Variants in ANO3 observed in about 807,000 individuals in gnomAD.
The protein encoded by ANO3 is anoctamin 3.
Under a neutral mutation model 144.8 loss-of-function variants are expected in ANO3, and 99 were observed. The ratio of observed to expected loss-of-function variants is 0.68; its 90% CI spans 0.58 to 0.81. The LOEUF is 0.81. ANO3 is among the 30% of genes least tolerant of loss of function. The pLI, the probability that ANO3 is intolerant of heterozygous loss-of-function variation, is 0.00. For missense variants in ANO3, 905 were observed against 1,202.2 expected (o/e 0.75, Z 3.66); for synonymous variants, 414 against 392.6 (o/e 1.05, Z -0.64).
chr11:26,386,701 A>G (rs1856743997), intron 1 of ANO3, among the ~76,000 whole-genome samples: 1 of 152,176 alleles, frequency 6.6e-6, no homozygotes. Context: ...TATAGAATGT[A>G]AGGACTATGT....
chr11:26,283,736 G>A (rs994769735), intron 1 of ANO3, among the ~76,000 whole-genome samples: 2 of 151,984 alleles, frequency 1.3e-5, no homozygotes, highest in Admixed American at 6.6e-5. Flanking sequence ...GAAATCTAAT[G>A]GTTAACAAGA....
chr11:26,504,998 C>G (rs1177305823), intron 4 of ANO3, among the ~76,000 whole-genome samples: 1 of 105,498 alleles, frequency 9.5e-6, no homozygotes, highest in East Asian at 3.0e-4. Flanking sequence ...GGCGACAGAG[C>G]GAGACTCCAC....
At chr11:26,568,288 G>C (rs1850676184) in intron 14 of ANO3, among the ~76,000 whole-genome samples, 1 of 152,022 alleles carries the variant, frequency 6.6e-6, no homozygotes, top group Non-Finnish European at 1.5e-5. Flanking sequence ...AGATGATTAA[G>C]TGGGACATAA....
intron 1 of ANO3, among the ~76,000 whole-genome samples, chr11:26,254,414 C>T (rs950566586): frequency 6.6e-6 from 1 of 152,058 alleles, no homozygotes; most frequent in African/African-American, 2.4e-5. Flanking sequence ...TTTGAAATGA[C>T]CATATTATCA....
chr11:26,470,936 C>T (rs902550903), intron 4 of ANO3, among the ~76,000 whole-genome samples: 2 of 151,890 alleles, frequency 1.3e-5, no homozygotes, highest in African/African-American at 4.8e-5. Flanking sequence ...ACTGGCATGA[C>T]AATAGCCATT....
intron 14 of ANO3, among the ~76,000 whole-genome samples, chr11:26,576,270 A>T (rs935105407): frequency 6.6e-6 from 1 of 152,214 alleles, no homozygotes; most frequent in African/African-American, 2.4e-5. Context: ...AAAGAAAGTG[A>T]CACTACTTCT....
At chr11:26,353,570 C>T (rs1410860414) in intron 1 of ANO3, among the ~76,000 whole-genome samples, 1 of 152,100 alleles carries the variant, frequency 6.6e-6, no homozygotes, top group Non-Finnish European at 1.5e-5. Flanking sequence ...TTCTTCCCTT[C>T]GTTCCTTCCT....
intron 1 of ANO3, among the ~76,000 whole-genome samples, chr11:26,222,111 T>G (rs1852157887): frequency 6.6e-6 from 1 of 152,330 alleles, no homozygotes; most frequent in African/African-American, 2.4e-5. Flanking sequence ...TTATTTCCAC[T>G]TATGAGCCTG....
chr11:26,429,160 G>C (rs568482008), intron 1 of ANO3, among the ~76,000 whole-genome samples: 86 of 152,236 alleles, frequency 5.6e-4, no homozygotes, highest in Non-Finnish European at 9.7e-4. Context: ...ACTACCCCAG[G>C]TGGGGGTAGG....
intron 1 of ANO3, among the ~76,000 whole-genome samples, chr11:26,215,377 T>C (rs1458952948): frequency 6.6e-6 from 1 of 152,052 alleles, no homozygotes; most frequent in Non-Finnish European, 1.5e-5. Flanking sequence ...GTTGCTCCAA[T>C]TGTTCCAGCT....
At chr11:26,277,298 G>T (rs1052438847) in intron 1 of ANO3, among the ~76,000 whole-genome samples, 1 of 152,002 alleles carries the variant, frequency 6.6e-6, no homozygotes, top group African/African-American at 2.4e-5. Flanking sequence ...AAATAGAAGA[G>T]AAAACAATTT....
chr11:26,464,433 A>G (rs892956271), intron 4 of ANO3, among the ~76,000 whole-genome samples: 1 of 151,852 alleles, frequency 6.6e-6, no homozygotes, highest in South Asian at 2.1e-4. Flanking sequence ...CTTAATGTGC[A>G]TATAGCACTG....
chr11:26,329,799 T>C (rs1329447618), upstream of ANO3, among the ~76,000 whole-genome samples: 3 of 147,890 alleles, frequency 2.0e-5, no homozygotes, highest in Non-Finnish European at 4.5e-5. Flanking sequence ...AAATGTGGAA[T>C]AGAGGGACTT....
At chr11:26,551,485 T>G (rs1252728820) in intron 12 of ANO3, among the ~76,000 whole-genome samples, 6 of 151,990 alleles carry the variant, frequency 3.9e-5, no homozygotes, top group Non-Finnish European at 7.4e-5. Flanking sequence ...GTACCATGTA[T>G]CAAGTTGAAT....
intron 1 of ANO3, among the ~76,000 whole-genome samples, chr11:26,236,150 C>T (rs1043230301): frequency 6.6e-6 from 1 of 152,068 alleles, no homozygotes; most frequent in African/African-American, 2.4e-5. Context: ...ATTAAACCAG[C>T]TTTCTATATA....
At position 26,295,417 on chromosome 11, in the gene ANO3, C is replaced by T. The variant is rs573085662; in HGVS notation, c.155-14228C>T. Among the ~76,000 whole-genome samples, 278 of 149,782 alleles carry T rather than the reference C, an allele frequency of 1.9e-3. 1 individual carries two copies. Among genetic ancestry groups the T allele is most frequent in the Non-Finnish European group, 3.7e-3 (248 of 67,538 alleles). On this transcript the variant is annotated intron_variant, in intron 1 of 27. Transcript: ENST00000672621. ...GCGGGCGCCTATAGTCCCAGCTACT[C>T]CGGAGGCTGAGGCAGAAGAATGGCG...
At chr11:26,501,271 G>A (rs1237766473) in intron 4 of ANO3, among the ~76,000 whole-genome samples, 2 of 152,122 alleles carry the variant, frequency 1.3e-5, no homozygotes, top group African/African-American at 4.8e-5. Flanking sequence ...ACCACCTACT[G>A]CCCTTGGGCA....
intron 4 of ANO3, among the ~76,000 whole-genome samples, chr11:26,484,506 G>T (rs1860365066): frequency 1.3e-5 from 2 of 152,164 alleles, no homozygotes; most frequent in South Asian, 4.1e-4. Flanking sequence ...CCTCCACCTA[G>T]ATTTCACAGG....
chr11:26,227,029 A>C (rs1852271033), intron 1 of ANO3, among the ~76,000 whole-genome samples: 1 of 152,172 alleles, frequency 6.6e-6, no homozygotes, highest in African/African-American at 2.4e-5. Context: ...CTTATAAAAG[A>C]AACTCTTGTA....
Sources: allele counts gnomAD v4.1 joint callset (sites outside exome capture counted in the v4.1 genomes callset), GRCh38; gene constraint gnomAD v4.1.1; transcripts MANE v1.5; gene names NCBI Gene and HGNC (gene_info 2026-07-23, HGNC 2026-07-21).